ITFG1: variants seen among roughly 807,000 people sequenced by gnomAD.
ITFG1 encodes T-cell immunomodulatory protein.
In ITFG1, 34 loss-of-function variants were observed where a neutral mutation model predicts 81.8. That is an observed-to-expected ratio of 0.42 (90% confidence interval 0.32 to 0.55). ITFG1 has a LOEUF of 0.55. Among genes scored for constraint, ITFG1 ranks in the 20% least tolerant of loss-of-function variants. The pLI is 0.17. For missense variants in ITFG1, 672 were observed against 755.4 expected, an observed-to-expected ratio of 0.89 and a Z score of 1.29; for synonymous variants, 285 against 270.6, an observed-to-expected ratio of 1.05 and a Z score of -0.52.
At chr16:47,160,577 C>A (rs1000327112) in intron 16 of ITFG1, among the ~76,000 whole-genome samples, 1 of 152,014 alleles carries the variant, frequency 6.6e-6, no homozygotes, top group African/African-American at 2.4e-5. Flanking sequence ...ACATACAATA[C>A]AGGCTCATTA....
At chr16:47,362,993 C>A (rs1453987134) in intron 8 of ITFG1, among the ~76,000 whole-genome samples, 2 of 152,214 alleles carry the variant, frequency 1.3e-5, no homozygotes, top group East Asian at 3.9e-4. Context: ...GCCTCCCAGG[C>A]TCAAGTGATC....
intron 6 of ITFG1, among the ~76,000 whole-genome samples, chr16:47,410,011 T>C (rs1301569245): frequency 1.3e-5 from 2 of 152,168 alleles, no homozygotes; most frequent in African/African-American, 4.8e-5. Flanking sequence ...CAGTGGCTCA[T>C]GCCTATAATC....
chr16:47,367,242 C>A (rs1402115593), intron 7 of ITFG1, among the ~76,000 whole-genome samples: 1 of 152,216 alleles, frequency 6.6e-6, no homozygotes, highest in African/African-American at 2.4e-5. Context: ...GGAACTTCCA[C>A]CTGTTCAGCT....
chr16:47,224,912 T>C (rs1015810801), intron 13 of ITFG1, among the ~76,000 whole-genome samples: 7 of 152,130 alleles, frequency 4.6e-5, no homozygotes, highest in Non-Finnish European at 1.5e-5. Context: ...GGTGGGAGGA[T>C]TGCCTCAGCC....
chr16:47,210,877 T>G (rs1221314623), intron 14 of ITFG1, among the ~76,000 whole-genome samples: 1 of 152,206 alleles, frequency 6.6e-6, no homozygotes, highest in Non-Finnish European at 1.5e-5. Flanking sequence ...TGAAATTACA[T>G]AGACGAATTC....
At chr16:47,460,811 C>A in intron 1 of ITFG1, 27 bp downstream of exon 1, 4 of 1,609,724 alleles carry the variant, frequency 2.5e-6, no homozygotes, top group Non-Finnish European at 3.4e-6. Flanking sequence ...GGACAGCGAA[C>A]AGAGGGAGGG....
chr16:47,158,205 C>T (rs947826572), intron 17 of ITFG1, among the ~76,000 whole-genome samples: 2 of 152,158 alleles, frequency 1.3e-5, no homozygotes, highest in African/African-American at 2.4e-5. Context: ...GGTGATTCTC[C>T]GACCTCAGCC....
At chr16:47,399,344 C>T (rs902961010) in intron 6 of ITFG1, among the ~76,000 whole-genome samples, 11 of 152,132 alleles carry the variant, frequency 7.2e-5, no homozygotes, top group Non-Finnish European at 1.3e-4. Flanking sequence ...GAGGCCAAGG[C>T]GGGCAGATCA....
intron 10 of ITFG1, among the ~76,000 whole-genome samples, chr16:47,292,641 C>G (rs920866788): frequency 6.6e-6 from 1 of 152,138 alleles, no homozygotes; most frequent in Non-Finnish European, 1.5e-5. Context: ...TAAGTAACTT[C>G]TTATCCCTCA....
intron 6 of ITFG1, among the ~76,000 whole-genome samples, chr16:47,402,958 A>G (rs1968680557): frequency 6.6e-6 from 1 of 152,198 alleles, no homozygotes; most frequent in South Asian, 2.1e-4. Flanking sequence ...AATAACTAAT[A>G]TACTGCACTA....
chr16:47,440,820 A>G (rs1969238360), intron 5 of ITFG1, among the ~76,000 whole-genome samples: 1 of 152,210 alleles, frequency 6.6e-6, no homozygotes. Flanking sequence ...AGCAGAAGGC[A>G]AGAAATAACT....
chr16:47,341,130 A>G (rs1265679215), intron 8 of ITFG1, among the ~76,000 whole-genome samples: 1 of 152,038 alleles, frequency 6.6e-6, no homozygotes, highest in Non-Finnish European at 1.5e-5. Flanking sequence ...GAAAGTACTT[A>G]AAAGCCAGGC....
chr16:47,341,256 AAAAT>A (rs111605574), intron 8 of ITFG1, among the ~76,000 whole-genome samples: 2 of 150,792 alleles, frequency 1.3e-5, no homozygotes, highest in Non-Finnish European at 2.9e-5. Context: ...CCATCTGTAA[AAAAT>A]AAATAAATAA....
chr16:47,427,977 T>C (rs1477530210), intron 6 of ITFG1, among the ~76,000 whole-genome samples: 1 of 152,016 alleles, frequency 6.6e-6, no homozygotes, highest in African/African-American at 2.4e-5. Context: ...CTACAAAAAA[T>C]ACAAGAATTA....
At chr16:47,326,476 C>T (rs1203739847) in intron 8 of ITFG1, among the ~76,000 whole-genome samples, 5 of 151,972 alleles carry the variant, frequency 3.3e-5, no homozygotes, top group African/African-American at 1.2e-4. Flanking sequence ...CTGGCCAGGG[C>T]AATTAGGCAG....
At chr16:47,191,237 C>G (rs1467815690) in intron 14 of ITFG1, among the ~76,000 whole-genome samples, 1 of 152,128 alleles carries the variant, frequency 6.6e-6, no homozygotes, top group Non-Finnish European at 1.5e-5. Context: ...GTCACTAATT[C>G]TTTCCTTGGC....
chr16:47,440,935 G>A (rs1330237190), intron 5 of ITFG1, among the ~76,000 whole-genome samples: 11 of 152,128 alleles, frequency 7.2e-5, no homozygotes, highest in Admixed American at 1.3e-4. Context: ...CTGATAGACC[G>A]CTAGCAAGAC....
intron 6 of ITFG1, among the ~76,000 whole-genome samples, chr16:47,404,658 T>C (rs930108047): frequency 4.6e-5 from 7 of 152,172 alleles, no homozygotes; most frequent in African/African-American, 7.2e-5. Flanking sequence ...CACATATACA[T>C]AGTATTTAGT....
At chr16:47,190,025 A>T (rs1965273082) in intron 14 of ITFG1, among the ~76,000 whole-genome samples, 1 of 152,170 alleles carries the variant, frequency 6.6e-6, no homozygotes, top group Non-Finnish European at 1.5e-5. Flanking sequence ...ATTATGTTTT[A>T]GCTGTCATCC....
Sources: gnomAD v4.1 joint callset for allele counts (sites outside exome capture counted in the v4.1 genomes callset) on GRCh38, gnomAD v4.1.1 for gene constraint, MANE v1.5 for transcripts, NCBI Gene and HGNC (gene_info 2026-07-23, HGNC 2026-07-21) for gene names.